PTPRD: variants seen among roughly 807,000 people sequenced by gnomAD.
PTPRD encodes protein tyrosine phosphatase receptor type D.
In PTPRD, 34 loss-of-function variants were observed where a neutral mutation model predicts 214.5. The observed-to-expected ratio is 0.16, with a 90% CI of 0.12 to 0.21. The LOEUF is 0.21. PTPRD is among the 10% of genes least tolerant of loss of function. The pLI is 1.00. For missense variants in PTPRD, 2,545 were observed against 2,398.7 expected (o/e 1.06, Z -1.27); for synonymous variants, 1,128 against 845.7 (o/e 1.33, Z -5.79).
intron 10 of PTPRD, among the ~76,000 whole-genome samples, chr9:9,173,108 G>A (rs1024775435): frequency 6.6e-6 from 1 of 151,928 alleles, no homozygotes; most frequent in Non-Finnish European, 1.5e-5. Context: ...CCTTGCTTTA[G>A]GTAAGCTCCC....
chr9:8,813,745 A>C (rs1366630313), intron 11 of PTPRD, among the ~76,000 whole-genome samples: 1 of 152,204 alleles, frequency 6.6e-6, no homozygotes, highest in East Asian at 1.9e-4. Context: ...TCATTTGATA[A>C]ATATACAAGA....
At chr9:10,219,220 CA>C (rs1457472765) in intron 3 of PTPRD, among the ~76,000 whole-genome samples, 1 of 151,782 alleles carries the variant, frequency 6.6e-6, no homozygotes, top group East Asian at 1.9e-4. Flanking sequence ...ATCAAACCCT[CA>C]ATAGCATGTA....
intron 5 of PTPRD, among the ~76,000 whole-genome samples, chr9:9,838,088 G>C (rs2153627298): frequency 1.3e-5 from 2 of 152,314 alleles, no homozygotes; most frequent in South Asian, 4.1e-4. Context: ...TCCCTACAAA[G>C]GACATGAACT....
intron 6 of PTPRD, among the ~76,000 whole-genome samples, chr9:9,747,833 G>A (rs996600422): frequency 3.3e-5 from 5 of 152,104 alleles, no homozygotes; most frequent in South Asian, 2.1e-4. Flanking sequence ...GATTAGAGAC[G>A]TGAGCCACTG....
At chr9:10,019,027 A>G (rs2096787557) in intron 4 of PTPRD, among the ~76,000 whole-genome samples, 1 of 152,170 alleles carries the variant, frequency 6.6e-6, no homozygotes, top group African/African-American at 2.4e-5. Flanking sequence ...CAATCTACTC[A>G]TCTGACAAAG....
chr9:8,900,275 C>G (rs1276702600), intron 11 of PTPRD, among the ~76,000 whole-genome samples: 2 of 152,066 alleles, frequency 1.3e-5, no homozygotes, highest in African/African-American at 4.8e-5. Context: ...TTAAAGGAGG[C>G]AACAGGTTAT....
chr9:9,970,438 A>AAAAAGAAAAAG (rs1566829150), intron 4 of PTPRD, among the ~76,000 whole-genome samples: 1 of 140,310 alleles, frequency 7.1e-6, no homozygotes, highest in Non-Finnish European at 1.5e-5. Context: ...TCAAAAAAAA[A>AAAAAGAAAAAG]AAAAAGAAAA....
chr9:9,095,519 G>T (rs901023581), intron 10 of PTPRD, among the ~76,000 whole-genome samples: 3 of 152,088 alleles, frequency 2.0e-5, no homozygotes, highest in African/African-American at 7.2e-5. Flanking sequence ...TTGACAGGCA[G>T]GGCCTTAGGA....
intron 15 of PTPRD, 132 bp downstream of exon 15, chr9:8,528,458 TA>T (rs1175379131): frequency 1.3e-6 from 1 of 799,676 alleles, no homozygotes; most frequent in Non-Finnish European, 2.1e-6. Context: ...ACCCATTAAG[TA>T]ACAGAGAAAG....
chr9:10,423,609 T>C (rs528002428), intron 2 of PTPRD, among the ~76,000 whole-genome samples: 1 of 152,032 alleles, frequency 6.6e-6, no homozygotes, highest in Admixed American at 6.6e-5. Context: ...CAAATTATAA[T>C]GGCAGAATGA....
intron 3 of PTPRD, among the ~76,000 whole-genome samples, chr9:10,103,196 T>C (rs2098580191): frequency 6.6e-6 from 1 of 151,394 alleles, no homozygotes; most frequent in African/African-American, 2.4e-5. Context: ...TACACAGCAC[T>C]AATATCTGCA....
At chr9:10,414,237 G>C (rs2098465716) in intron 2 of PTPRD, among the ~76,000 whole-genome samples, 3 of 151,356 alleles carry the variant, frequency 2.0e-5, no homozygotes, top group African/African-American at 7.3e-5. Context: ...AGCGTCTATA[G>C]GGAACTTAAA....
chr9:9,135,984 T>TC lies in PTPRD; in HGVS notation c.-143+47319_-143+47320insG, dbSNP rs1468777798. 6.1e-3 allele frequency among the ~76,000 whole-genome samples: 916 copies of TC among 151,226 alleles called. 10 individuals carry two copies. Among genetic ancestry groups the TC allele is most frequent in the African/African-American group, 0.021 (877 of 40,834 alleles). Reference sequence around the variant, plus strand: ...TTTCATGTGAAATCATCTTATAAATTATATACATGCACATGTGTTCATGCA... The same window carrying TC: ...TTTCATGTGAAATCATCTTATAAATTCATATACATGCACATGTGTTCATGCA... On this transcript the variant is annotated intron_variant, in intron 10 of 45. Transcript: ENST00000381196.
In PTPRD at chr9:10,585,543, A is replaced by G. The variant is rs115996260; in HGVS notation, c.-600+26855T>C. On this transcript the variant is annotated intron_variant, in intron 2 of 45. Transcript: ENST00000381196. ...TCAGGGCTGAAAATTTGGTGGGGAA[A>G]TCTCACATCATGCCATGTTATCTAA... is the stretch of plus-strand genomic sequence containing the variant. 4.6e-3 allele frequency among the ~76,000 whole-genome samples: 705 copies of G among 152,222 alleles called. 7 individuals carry two copies. The highest frequency in any genetic ancestry group is 0.015 in the African/African-American group (632 of 41,572).
At chr9:9,058,480 T>C (rs1443089817) in intron 10 of PTPRD, among the ~76,000 whole-genome samples, 2 of 111,022 alleles carry the variant, frequency 1.8e-5, no homozygotes, top group Non-Finnish European at 3.9e-5. Flanking sequence ...AGACGGAGTC[T>C]CGCTGTCGCC....
At chr9:8,511,429 G>T (rs2097679622) in intron 21 of PTPRD, among the ~76,000 whole-genome samples, 1 of 150,382 alleles carries the variant, frequency 6.6e-6, no homozygotes, top group African/African-American at 2.5e-5. Flanking sequence ...TTTCTCACTG[G>T]TATTTTTTTT....
intron 2 of PTPRD, among the ~76,000 whole-genome samples, chr9:10,575,687 T>C (rs925138003): frequency 1.3e-5 from 2 of 152,088 alleles, no homozygotes; most frequent in Non-Finnish European, 2.9e-5. Context: ...TTAAGTGAAC[T>C]CTCTAGGTCA....
chr9:8,689,753 T>G (rs545682661), intron 12 of PTPRD, among the ~76,000 whole-genome samples: 2 of 152,298 alleles, frequency 1.3e-5, no homozygotes, highest in Non-Finnish European at 2.9e-5. Context: ...TCATCTCTTC[T>G]TTAGAATATT....
chr9:9,391,777 T>C (rs1336557275), intron 9 of PTPRD, among the ~76,000 whole-genome samples: 5 of 152,188 alleles, frequency 3.3e-5, no homozygotes, highest in African/African-American at 9.6e-5. Context: ...CTAGTCATAA[T>C]AGAGGGAAAT....
Sources: allele counts gnomAD v4.1 joint callset (sites outside exome capture counted in the v4.1 genomes callset), GRCh38; gene constraint gnomAD v4.1.1; transcripts MANE v1.5; gene names NCBI Gene and HGNC (gene_info 2026-07-23, HGNC 2026-07-21).